The following ADGRL3 variants were observed in gnomAD, a reference collection of about 807,000 sequenced individuals.
The protein encoded by ADGRL3 is adhesion G protein-coupled receptor L3, also known as calcium-independent alpha-latrotoxin receptor 3.
Under a neutral mutation model 153.5 loss-of-function variants are expected in ADGRL3, and 62 were observed. The observed-to-expected ratio is 0.40, with a 90% CI of 0.33 to 0.50. The LOEUF (loss-of-function observed/expected upper bound fraction) is 0.50. ADGRL3 is among the 20% of genes least tolerant of loss of function. The probability of loss-of-function intolerance (pLI) is 0.47; values close to 1 mark genes in which losing one functional copy is unlikely to be tolerated. For missense variants in ADGRL3, 1,641 were observed against 1,859.4 expected (o/e 0.88, Z 2.16); for synonymous variants, 710 against 672.5 (o/e 1.06, Z -0.86).
chr4:61,428,122 C>T (rs540757902), intron 2 of ADGRL3: 1 of 152,670 alleles, frequency 6.6e-6, no homozygotes, highest in African/African-American at 2.4e-5. Context: ...CAGGTTCCAA[C>T]CTGAGCTGGG....
chr4:61,697,555 T>A (rs201926125), intron 6 of ADGRL3, among the ~76,000 whole-genome samples: 3 of 142,906 alleles, frequency 2.1e-5, no homozygotes, highest in African/African-American at 5.2e-5. Flanking sequence ...GTGAAACTCC[T>A]AAAAAAAAAA....
chr4:62,047,279 A>C (rs1230645969), intron 25 of ADGRL3, among the ~76,000 whole-genome samples: 1 of 151,828 alleles, frequency 6.6e-6, no homozygotes, highest in East Asian at 1.9e-4. Context: ...AATTAGTCCT[A>C]TTTTTACTTT....
At chr4:61,495,063 C>T (rs954127786) in intron 2 of ADGRL3, among the ~76,000 whole-genome samples, 1 of 152,024 alleles carries the variant, frequency 6.6e-6, no homozygotes, top group Non-Finnish European at 1.5e-5. Context: ...TCACCCTACC[C>T]ATTACACAGA....
chr4:61,549,702 G>A lies in ADGRL3; in HGVS notation c.259+32184G>A, dbSNP rs182668311. ...TGTTTACCGTAAGATTCAGGTCCCAGTATTGCCTGGCTTAATCACAGCTGT... is the reference window on the plus strand; with the variant it reads ...TGTTTACCGTAAGATTCAGGTCCCAATATTGCCTGGCTTAATCACAGCTGT... On this transcript the variant is annotated intron_variant, in intron 4 of 26. Transcript: ENST00000683033. 3.8e-3 allele frequency among the ~76,000 whole-genome samples: 570 copies of A among 151,970 alleles called. 3 individuals carry two copies. The highest frequency in any genetic ancestry group is 4.4e-3 in the Non-Finnish European group (302 of 67,890).
intron 8 of ADGRL3, 90 bp from the exon 9 acceptor site, chr4:61,813,719 G>A: frequency 6.9e-7 from 1 of 1,442,156 alleles, no homozygotes; most frequent in South Asian, 1.3e-5. Flanking sequence ...ATTCAGTTTG[G>A]AGTGAAATAG....
At chr4:61,428,841 A>T (rs1473043515) in intron 2 of ADGRL3, among the ~76,000 whole-genome samples, 1 of 120,718 alleles carries the variant, frequency 8.3e-6, no homozygotes, top group Non-Finnish European at 1.8e-5. Context: ...TTATCTATCT[A>T]TCTATCTATC....
intron 4 of ADGRL3, among the ~76,000 whole-genome samples, chr4:61,580,704 T>G (rs2098921082): frequency 1.3e-5 from 2 of 152,030 alleles, no homozygotes; most frequent in Non-Finnish European, 2.9e-5. Context: ...CCAAGGTGCC[T>G]CTCTCATGTG....
intron 25 of ADGRL3, among the ~76,000 whole-genome samples, chr4:62,047,668 T>G (rs1329632450): frequency 6.6e-6 from 1 of 152,174 alleles, no homozygotes; most frequent in Non-Finnish European, 1.5e-5. Context: ...TTTGGAAGTT[T>G]GTTGTTTCAT....
In ADGRL3 at chr4:62,029,333, G is replaced by A. The variant is rs558175028; in HGVS notation, c.3422+452G>A. Among the ~76,000 whole-genome samples, 4 of 151,726 alleles carry A rather than the reference G, an allele frequency of 2.6e-5. No individual in the cohort carries two copies. The South Asian group carries it at 8.3e-4, about 31-fold the overall frequency. On this transcript the variant is annotated intron_variant, in intron 22 of 26. Coordinates refer to ENST00000683033, the MANE Select transcript of ADGRL3 (RefSeq NM_001387552.1). ...CAATTGCAATTGATATTAATGAATT[G>A]CTATACTAAATATAAATAAAGAAAA... is the stretch of plus-strand genomic sequence containing the variant.
At chr4:62,003,299 ACT>A (rs1290293061) in intron 21 of ADGRL3, among the ~76,000 whole-genome samples, 2 of 152,008 alleles carry the variant, frequency 1.3e-5, no homozygotes, top group Non-Finnish European at 2.9e-5. Flanking sequence ...GTTGGCAAAG[ACT>A]CTGTCAGATG....
intron 11 of ADGRL3, among the ~76,000 whole-genome samples, chr4:61,905,798 G>A (rs566193766): frequency 6.2e-4 from 94 of 151,848 alleles, no homozygotes; most frequent in Non-Finnish European, 1.9e-4. Flanking sequence ...GGGAGACCAA[G>A]GCATGAGAAT....
In ADGRL3 at chr4:61,474,005, T is replaced by A. The variant is rs78714552; in HGVS notation, c.-173-23116T>A. On this transcript the variant is annotated intron_variant, in intron 2 of 26. Transcript: ENST00000683033. ...AATTGTCAATAGGCATTTTGAGGGA[T>A]CGTCAGGAAAATCTTTGCAGAGGAA... 5.3e-5 allele frequency among the ~76,000 whole-genome samples: 8 copies of A among 152,180 alleles called. No homozygotes were observed. In the East Asian group the frequency reaches 1.5e-3, roughly 29 times the overall value.
intron 1 of ADGRL3, among the ~76,000 whole-genome samples, chr4:61,236,884 A>G (rs1395593730): frequency 2.0e-5 from 3 of 152,068 alleles, no homozygotes; most frequent in African/African-American, 4.8e-5. Flanking sequence ...ATCTGTCTGG[A>G]CCTGAGTTCT....
chr4:61,359,870 T>G (rs535780042), intron 1 of ADGRL3, among the ~76,000 whole-genome samples: 1 of 152,194 alleles, frequency 6.6e-6, no homozygotes, highest in South Asian at 2.1e-4. Flanking sequence ...ATTGAATGCA[T>G]GAATTTTAAA....
chr4:61,725,088 A>G (rs1453846823), intron 6 of ADGRL3, among the ~76,000 whole-genome samples: 1 of 152,212 alleles, frequency 6.6e-6, no homozygotes, highest in African/African-American at 2.4e-5. Context: ...CATTGCACAA[A>G]GCATGGCAAA....
chr4:61,493,865 A>G (rs2098283005), intron 2 of ADGRL3, among the ~76,000 whole-genome samples: 1 of 152,192 alleles, frequency 6.6e-6, no homozygotes, highest in Admixed American at 6.5e-5. Context: ...AAGAGCACTA[A>G]TGTTGAAGTA....
At chr4:61,901,960 G>A (rs1193440634) in intron 11 of ADGRL3, among the ~76,000 whole-genome samples, 1 of 152,092 alleles carries the variant, frequency 6.6e-6, no homozygotes, top group Non-Finnish European at 1.5e-5. Flanking sequence ...AGTTAGTGAG[G>A]TCTTTAAGCT....
chr4:61,721,319 A>C (rs1404778991), intron 6 of ADGRL3, among the ~76,000 whole-genome samples: 2 of 152,192 alleles, frequency 1.3e-5, no homozygotes, highest in South Asian at 4.1e-4. Flanking sequence ...TGTAGCCTTC[A>C]GTCTGTGGCC....
At chr4:61,464,695 A>G (rs555463390) in intron 2 of ADGRL3, among the ~76,000 whole-genome samples, 2 of 152,342 alleles carry the variant, frequency 1.3e-5, no homozygotes, top group South Asian at 2.1e-4. Context: ...TGAATTGCAT[A>G]TAACTGATAT....
Sources: gnomAD v4.1 joint callset for allele counts (sites outside exome capture counted in the v4.1 genomes callset) on GRCh38, gnomAD v4.1.1 for gene constraint, MANE v1.5 for transcripts, NCBI Gene and HGNC (gene_info 2026-07-23, HGNC 2026-07-21) for gene names.